The following SLC25A21 variants were observed in gnomAD, a reference collection of about 807,000 sequenced individuals.
The protein encoded by SLC25A21 is solute carrier family 25 member 21.
In SLC25A21, 47 loss-of-function variants were observed where a neutral mutation model predicts 43.8. The ratio of observed to expected loss-of-function variants is 1.07; its 90% confidence interval spans 0.85 to 1.37. The LOEUF (loss-of-function observed/expected upper bound fraction) is 1.37, where lower values mean the gene tolerates loss of function less well. Among genes scored for constraint, SLC25A21 ranks in the 40% most tolerant of loss-of-function variants. The probability of loss-of-function intolerance (pLI) is 0.00; values close to 1 mark genes in which losing one functional copy is unlikely to be tolerated. For missense variants in SLC25A21, 352 were observed against 350.2 expected (o/e 1.00, Z -0.04); for synonymous variants, 131 against 121.3 (o/e 1.08, Z -0.52).
intron 1 of SLC25A21, among the ~76,000 whole-genome samples, chr14:37,103,698 A>G (rs888399166): frequency 1.3e-5 from 2 of 152,138 alleles, no homozygotes; most frequent in Admixed American, 6.5e-5. Context: ...TGTCTAGACA[A>G]CCAACCAGGA....
chr14:37,144,958 T>G (rs1335494730), intron 1 of SLC25A21, among the ~76,000 whole-genome samples: 2 of 148,178 alleles, frequency 1.3e-5, no homozygotes, highest in African/African-American at 2.5e-5. Flanking sequence ...TGTTGTTGTT[T>G]GTTTGTTTTT....
At chr14:37,128,366 T>A (rs961701653) in intron 1 of SLC25A21, among the ~76,000 whole-genome samples, 1 of 152,146 alleles carries the variant, frequency 6.6e-6, no homozygotes, top group Admixed American at 6.5e-5. Context: ...CAGAAAGATA[T>A]CATGTTATTT....
chr14:36,867,530 G>C (rs1246867282), intron 2 of SLC25A21, among the ~76,000 whole-genome samples: 1 of 152,140 alleles, frequency 6.6e-6, no homozygotes, highest in Non-Finnish European at 1.5e-5. Context: ...AGGCCAGCAG[G>C]AACACAGACA....
At chr14:36,834,501 G>C (rs1889142128) in intron 2 of SLC25A21, among the ~76,000 whole-genome samples, 1 of 152,126 alleles carries the variant, frequency 6.6e-6, no homozygotes, top group African/African-American at 2.4e-5. Flanking sequence ...GAGATAATGT[G>C]TATAAAATAC....
chr14:36,943,102 G>C (rs1258910778), intron 1 of SLC25A21, among the ~76,000 whole-genome samples: 2 of 152,124 alleles, frequency 1.3e-5, no homozygotes, highest in East Asian at 3.9e-4. Flanking sequence ...TCCACCAAGT[G>C]AACTCTATAG....
At chr14:37,030,838 T>C (rs999637556) in intron 1 of SLC25A21, among the ~76,000 whole-genome samples, 1 of 152,104 alleles carries the variant, frequency 6.6e-6, no homozygotes, top group South Asian at 2.1e-4. Context: ...ATTTTCTGAG[T>C]TTAGTCAAGG....
chr14:37,110,623 G>C (rs949601466), intron 1 of SLC25A21, among the ~76,000 whole-genome samples: 4 of 152,094 alleles, frequency 2.6e-5, no homozygotes, highest in Non-Finnish European at 5.9e-5. Flanking sequence ...CCCAGTCCTT[G>C]CAGTAAGCCA....
intron 3 of SLC25A21, among the ~76,000 whole-genome samples, chr14:36,787,395 G>A (rs1423065432): frequency 6.6e-6 from 1 of 152,152 alleles, no homozygotes; most frequent in Non-Finnish European, 1.5e-5. Flanking sequence ...AAGGACCAAT[G>A]TCATTTTTGA....
chr14:37,102,822 C>T (rs144571010), intron 1 of SLC25A21, among the ~76,000 whole-genome samples: 1,717 of 151,804 alleles, frequency 0.011, 20 homozygotes, highest in Middle Eastern at 0.061. Context: ...CCTGTCTCTA[C>T]TAAAAATACA....
chr14:36,825,957 C>A (rs917129798), intron 2 of SLC25A21, among the ~76,000 whole-genome samples: 2 of 152,146 alleles, frequency 1.3e-5, no homozygotes, highest in Non-Finnish European at 2.9e-5. Flanking sequence ...GAATTTCAGT[C>A]ACTCCCAAGT....
intron 1 of SLC25A21, among the ~76,000 whole-genome samples, chr14:37,112,530 T>C (rs928992055): frequency 3.9e-5 from 6 of 152,214 alleles, no homozygotes; most frequent in Non-Finnish European, 8.8e-5. Context: ...ACTTCTTACT[T>C]TTAGCTGGAC....
At chr14:36,682,156 G>GTCTCTCTCTCATTCTTTTTTTTTTTTTC (rs1882298213) in intron 9 of SLC25A21, among the ~76,000 whole-genome samples, 1 of 148,874 alleles carries the variant, frequency 6.7e-6, no homozygotes, top group Non-Finnish European at 1.5e-5. Context: ...TTTTTTTACT[G>GTCTCTCTCTCATTCTTTTTTTTTTTTTC]TCTCTCTCTC....
intron 1 of SLC25A21, among the ~76,000 whole-genome samples, chr14:37,004,613 T>C (rs1228180470): frequency 1.3e-5 from 2 of 152,182 alleles, no homozygotes; most frequent in Admixed American, 6.5e-5. Context: ...AAATCCAGAA[T>C]TGTTTCAGCC....
At chr14:37,086,225 G>C (rs1233790582) in intron 1 of SLC25A21, among the ~76,000 whole-genome samples, 1 of 152,030 alleles carries the variant, frequency 6.6e-6, no homozygotes, top group Non-Finnish European at 1.5e-5. Context: ...AAACAAAGTA[G>C]AACTCTGTTA....
chr14:37,116,986 G>A (rs1001435903), intron 1 of SLC25A21, among the ~76,000 whole-genome samples: 5 of 152,072 alleles, frequency 3.3e-5, no homozygotes, highest in African/African-American at 4.8e-5. Context: ...TTGACATGGC[G>A]GCTCAGTTTG....
intron 3 of SLC25A21, among the ~76,000 whole-genome samples, chr14:36,777,699 C>T (rs1886888403): frequency 6.6e-6 from 1 of 152,136 alleles, no homozygotes; most frequent in Non-Finnish European, 1.5e-5. Context: ...TCAAAAAGTC[C>T]AGAAGGAACC....
intron 1 of SLC25A21, among the ~76,000 whole-genome samples, chr14:37,114,789 G>A (rs940569187): frequency 1.7e-5 from 2 of 115,226 alleles, no homozygotes; most frequent in African/African-American, 6.1e-5. Context: ...TTTTTATGGC[G>A]GGGGGGGAAT....
At chr14:36,765,013 C>T (rs941831504) in intron 3 of SLC25A21, among the ~76,000 whole-genome samples, 2 of 152,198 alleles carry the variant, frequency 1.3e-5, no homozygotes, top group Middle Eastern at 3.2e-3. Context: ...GGCCTATGTC[C>T]CTTCTCTTTA....
chr14:37,005,739 T>A (rs1035614650), intron 1 of SLC25A21, among the ~76,000 whole-genome samples: 2 of 152,162 alleles, frequency 1.3e-5, no homozygotes, highest in African/African-American at 4.8e-5. Context: ...AAGCTATACA[T>A]GCAAAATAAG....
Sources: allele counts gnomAD v4.1 joint callset (sites outside exome capture counted in the v4.1 genomes callset), GRCh38; gene constraint gnomAD v4.1.1; transcripts MANE v1.5; gene names NCBI Gene and HGNC (gene_info 2026-07-23, HGNC 2026-07-21).